AKAP11: variants seen among roughly 807,000 people sequenced by gnomAD.
AKAP11 encodes A-kinase anchoring protein 11.
Under a neutral mutation model 146.1 loss-of-function variants are expected in AKAP11, and 36 were observed. The ratio of observed to expected loss-of-function variants is 0.25; its 90% CI spans 0.19 to 0.33. AKAP11 has a LOEUF of 0.33. Among genes scored for constraint, AKAP11 ranks in the 10% least tolerant of loss-of-function variants. AKAP11 has a pLI of 1.00. For missense variants in AKAP11, 2,201 were observed against 2,197.0 expected, an observed-to-expected ratio of 1.00 and a Z score of -0.04; for synonymous variants, 780 against 786.5, an observed-to-expected ratio of 0.99 and a Z score of 0.14.
At chr13:42,305,953 A>AAG (rs1960232022) in intron 8 of AKAP11, among the ~76,000 whole-genome samples, 2 of 152,146 alleles carry the variant, frequency 1.3e-5, no homozygotes, top group Non-Finnish European at 2.9e-5. Flanking sequence ...TAAAACCATC[A>AAG]GCTCTCATGA....
At position 42,287,290 on chromosome 13, in the gene AKAP11, T is replaced by A. The variant is rs12428249; in HGVS notation, c.51+891T>A. ...TATCCTTAAACAGTATGTTAATTAC[T>A]TTTTTTTTTTTGGGACACAGTTTCG... On this transcript the variant is annotated intron_variant, in intron 3 of 12. Coordinates refer to ENST00000025301, the MANE Select transcript of AKAP11 (RefSeq NM_016248.4). 3.7e-3 allele frequency among the ~76,000 whole-genome samples: 513 copies of A among 137,548 alleles called. 7 individuals are homozygous for A. Among genetic ancestry groups the A allele is most frequent in the Admixed American group, 0.033 (459 of 13,710 alleles). The allele number at this position is 137,548 out of a possible 152,430, so 90.2% of individuals were successfully genotyped here.
chr13:42,317,584 A>G lies in AKAP11; in HGVS notation c.5461A>G (p.Thr1821Ala), dbSNP rs1960882019. ...TACGAATATTGACATGGAGCCATGC[A>G]CGGTAGACCCCCAGCTAAGGATTAT... is the stretch of plus-strand genomic sequence containing the variant. ...LITNIDMEPC[T>A]VDPQLRIILQ... The change falls in exon 12 of 13, where the codon ACG becomes GCG. Residue 1821 changes from threonine to alanine, a missense_variant. Coordinates refer to ENST00000025301, the MANE Select transcript of AKAP11 (RefSeq NM_016248.4). 23 of 1,614,184 alleles carry G rather than the reference A, an allele frequency of 1.4e-5. No individual in the cohort carries two copies. Among genetic ancestry groups the G allele is most frequent in the Non-Finnish European group, 1.8e-5 (21 of 1,180,010 alleles).
At chr13:42,290,624 G>A (rs1238786492) in intron 3 of AKAP11, among the ~76,000 whole-genome samples, 1 of 152,134 alleles carries the variant, frequency 6.6e-6, no homozygotes, top group Non-Finnish European at 1.5e-5. Flanking sequence ...GAGCTCCTCT[G>A]ACTTTGTCTC....
intron 12 of AKAP11, among the ~76,000 whole-genome samples, chr13:42,318,195 C>CTTAT (rs1444981485): frequency 6.6e-6 from 1 of 152,132 alleles, no homozygotes; most frequent in East Asian, 1.9e-4. Context: ...TGCCAAGTAC[C>CTTAT]TTATTAGTCA....
chr13:42,319,235 C>T lies in AKAP11; in HGVS notation c.*7C>T. On this transcript the variant is annotated 3_prime_UTR_variant, in exon 13 of 13. Coordinates refer to ENST00000025301, the MANE Select transcript of AKAP11 (RefSeq NM_016248.4). ...GCTCTTGGAAAATGCATAGAGCAAA[C>T]CCCAAACCAGTATATTTTAGTATTT... 6.2e-7 allele frequency: 1 copy of T among 1,611,942 alleles called. No homozygotes were observed. The highest frequency in any genetic ancestry group is 8.5e-7 in the Non-Finnish European group (1 of 1,179,482).
chr13:42,300,388 G>T lies in AKAP11; in HGVS notation c.1642G>T (p.Asp548Tyr). Residue 548 changes from aspartate to tyrosine, a missense_variant, in exon 8 of 13, where the codon GAT becomes TAT. Physicochemically the swap from Asp to Tyr is radical, Grantham distance 160. Transcript: ENST00000025301. ...TAAAAATAAATCCTTAATGATTAAA[G>T]ATAGCATTCAAAAATTTGCAGCAGA... ...KSKNKSLMIK[D>Y]SIQKFAADLV... The T allele has an allele frequency of 1.2e-6, 2 of 1,610,810 alleles. No individual in the cohort carries two copies. Among genetic ancestry groups the T allele is most frequent in the Non-Finnish European group, 1.7e-6 (2 of 1,179,086 alleles).
rs150806045 is a variant in AKAP11 at position 42,287,813 on chromosome 13, T to C, written c.51+1414T>C. ...AATAACTAATAATATATACAAAATATAATAGCAAACTGATAACCATGGTCT... is the reference window on the plus strand; with the variant it reads ...AATAACTAATAATATATACAAAATACAATAGCAAACTGATAACCATGGTCT... On this transcript the variant is annotated intron_variant, in intron 3 of 12. Transcript: ENST00000025301. Among the ~76,000 whole-genome samples, 289 of 152,314 alleles carry C rather than the reference T, an allele frequency of 1.9e-3. 1 individual carries two copies. Among genetic ancestry groups the C allele is most frequent in the Non-Finnish European group, 3.0e-3 (201 of 68,030 alleles).
Position 42,303,832 on chromosome 13 carries a change from G to C in AKAP11, c.5086G>C (p.Ala1696Pro), listed in dbSNP as rs754087342. ...ESLATETMTAAVTNVGHAVSS... is the reference protein window; with the variant it reads ...ESLATETMTAPVTNVGHAVSS... ...CCTTGCCACAGAAACCATGACAGCA[G>C]CTGTCACAAATGTTGGGCATGCTGT... The change falls in exon 8 of 13, where the codon GCT (alanine) becomes CCT (proline). Residue 1696 changes from alanine (A) to proline (P), a missense_variant. Around this residue, in one of 3 missense-constraint regions of AKAP11, gnomAD observed 1,867 missense variants for 1,833.5 expected, o/e 1.02. Transcript: ENST00000025301. 5.7e-6 allele frequency: 9 copies of C among 1,592,660 alleles called. No homozygotes were observed. The South Asian group carries it at 1.0e-4, about 18-fold the overall frequency.
intron 12 of AKAP11, among the ~76,000 whole-genome samples, chr13:42,318,855 G>A (rs1039209987): frequency 2.0e-5 from 3 of 152,162 alleles, no homozygotes; most frequent in Non-Finnish European, 2.9e-5. Context: ...TGTCTCCAGC[G>A]ATCCCAAAGT....
At chr13:42,288,098 T>C (rs1283447508) in intron 3 of AKAP11, among the ~76,000 whole-genome samples, 2 of 152,198 alleles carry the variant, frequency 1.3e-5, no homozygotes, top group Non-Finnish European at 2.9e-5. Context: ...TACACCACCT[T>C]CTACATCTTG....
intron 1 of AKAP11, among the ~76,000 whole-genome samples, chr13:42,285,580 C>T (rs776681082): frequency 2.6e-5 from 4 of 152,152 alleles, no homozygotes; most frequent in African/African-American, 9.7e-5. Flanking sequence ...GGACAAGATA[C>T]TGTGGTCAAA....
chr13:42,299,403 T>C lies in AKAP11; in HGVS notation c.657T>C (p.Ala219=), dbSNP rs2138577299. The C allele has an allele frequency of 6.2e-7, 1 of 1,613,808 alleles. No homozygotes were observed. The highest frequency in any genetic ancestry group is 8.5e-7 in the Non-Finnish European group (1 of 1,179,800). The change falls in exon 8 of 13, where the codon GCT becomes GCC. Residue 219 remains alanine, a synonymous_variant. Transcript: ENST00000025301. ...TGCTAAGGAGCCAGTGTGATGCTGC[T>C]TCCCAGACGGTTACTGGTCATCATT... ...ITVLRSQCDA[A]SQTVTGHHLE...
chr13:42,318,370 G>A (rs1350533866), intron 12 of AKAP11, among the ~76,000 whole-genome samples: 1 of 152,162 alleles, frequency 6.6e-6, no homozygotes, highest in East Asian at 1.9e-4. Flanking sequence ...TGTATGTTAT[G>A]TGAGTTTTAT....
intron 1 of AKAP11, among the ~76,000 whole-genome samples, chr13:42,282,091 C>A (rs962012838): frequency 1.3e-5 from 2 of 151,530 alleles, no homozygotes; most frequent in East Asian, 3.9e-4. Context: ...GCCTCAGCCT[C>A]CCGAGTGGCC....
chr13:42,303,379 A>C lies in AKAP11; in HGVS notation c.4633A>C (p.Lys1545Gln), dbSNP rs200538363. Residue 1545 changes from lysine to glutamine, a missense_variant, in exon 8 of 13, where the codon AAA becomes CAA. By Grantham distance (53) the Lys-to-Gln change is moderately conservative. Transcript: ENST00000025301. ...TGTTCAAGCTGTAGAACAGTATGCCAAAAAAGTAGTGGATGACACTCTAGA... is the reference window on the plus strand; with the variant it reads ...TGTTCAAGCTGTAGAACAGTATGCCCAAAAAGTAGTGGATGACACTCTAGA... Reference protein sequence around the residue: ...NVVQAVEQYAKKVVDDTLELT... With the variant: ...NVVQAVEQYAQKVVDDTLELT... The C allele has an allele frequency of 3.7e-6, 6 of 1,613,554 alleles. No individual in the cohort carries two copies. Among genetic ancestry groups the C allele is most frequent in the African/African-American group, 1.3e-5 (1 of 75,052 alleles).
Position 42,300,730 on chromosome 13 carries a change from G to A in AKAP11, c.1984G>A (p.Val662Met), listed in dbSNP as rs1566274336. The A allele has an allele frequency of 1.2e-6, 2 of 1,613,938 alleles. No individual in the cohort carries two copies. Among genetic ancestry groups the A allele is most frequent in the East Asian group, 2.2e-5 (1 of 44,904 alleles). The change falls in exon 8 of 13, where the codon GTG becomes ATG. Residue 662 changes from valine to methionine, a missense_variant. Val to Met is a conservative substitution (Grantham distance 21). Coordinates refer to ENST00000025301, the MANE Select transcript of AKAP11 (RefSeq NM_016248.4). ...GCTTGTTTTTGAAGGCATCATGGAGGTGTGTCAGTTTTCATATCCTCAAAC... is the reference window on the plus strand; with the variant it reads ...GCTTGTTTTTGAAGGCATCATGGAGATGTGTCAGTTTTCATATCCTCAAAC... Reference protein sequence around the residue: ...EELVFEGIMEVCQFSYPQTPA... With the variant: ...EELVFEGIMEMCQFSYPQTPA...
intron 11 of AKAP11, among the ~76,000 whole-genome samples, chr13:42,314,714 A>G (rs1960736744): frequency 6.6e-6 from 1 of 152,114 alleles, no homozygotes. Context: ...TCTAAAAGAT[A>G]TTTCTAAATT....
In AKAP11 at chr13:42,320,521, C is replaced by A. The variant is rs371485493; in HGVS notation, c.*1293C>A. 15 of 148,444 alleles carry A rather than the reference C, an allele frequency of 1.0e-4. No individual in the cohort carries two copies. The highest frequency in any genetic ancestry group is 2.0e-4 in the East Asian group (1 of 4,946). The allele number at this position is 148,444 out of a possible 1,614,324, so 9.2% of individuals were successfully genotyped here. On this transcript the variant is annotated 3_prime_UTR_variant, in exon 13 of 13. Transcript: ENST00000025301. ...TCCTCCCACTCTCTTCCCCCTCCCC[C>A]CTCCTCCCACTGTCTCTCACCTCCC...
chr13:42,286,833 G>C (rs1959170588), intron 3 of AKAP11, among the ~76,000 whole-genome samples: 1 of 152,156 alleles, frequency 6.6e-6, no homozygotes, highest in African/African-American at 2.4e-5. Context: ...AGTCTAAGGA[G>C]GAACCTCCTC....
Sources: gnomAD v4.1 joint callset for allele counts (sites outside exome capture counted in the v4.1 genomes callset) on GRCh38, gnomAD v4.1.1 for gene constraint, gnomAD v4.1.1 regional missense constraint, MANE v1.5 for transcripts, NCBI Gene and HGNC (gene_info 2026-07-23, HGNC 2026-07-21) for gene names.